The following SYT7 variants were observed in gnomAD, a reference collection of about 807,000 sequenced individuals.
SYT7 encodes synaptotagmin 7, also known as synaptotagmin-7.
In SYT7, 29 loss-of-function variants were observed where a neutral mutation model predicts 75.1. That is an observed-to-expected ratio of 0.39 (90% confidence interval 0.29 to 0.53). The LOEUF is 0.53. SYT7 is among the 20% of genes least tolerant of loss of function. The pLI is 0.77. For missense variants in SYT7, 693 were observed against 953.2 expected (o/e 0.73, Z 3.59); for synonymous variants, 376 against 401.7 (o/e 0.94, Z 0.76).
chr11:61,548,858 A>G (rs2063266820), intron 3 of SYT7, among the ~76,000 whole-genome samples: 1 of 152,176 alleles, frequency 6.6e-6, no homozygotes, highest in Admixed American at 6.5e-5. Flanking sequence ...CTGTAGACAG[A>G]TTTCTCTGTC....
intron 1 of SYT7, among the ~76,000 whole-genome samples, chr11:61,572,122 G>T (rs76188389): frequency 3.9e-5 from 6 of 152,306 alleles, no homozygotes; most frequent in Admixed American, 2.0e-4. Flanking sequence ...AGGTTGGGGG[G>T]GGGGCACACA....
the SYT7 span, among the ~76,000 whole-genome samples, chr11:61,586,254 A>G: frequency 6.6e-6 from 1 of 152,148 alleles, no homozygotes; most frequent in African/African-American, 2.4e-5. Flanking sequence ...CACCACCCTT[A>G]AAAGATTGAA....
intron 1 of SYT7, among the ~76,000 whole-genome samples, chr11:61,569,943 G>A (rs961621800): frequency 5.3e-5 from 8 of 152,198 alleles, no homozygotes; most frequent in African/African-American, 1.7e-4. Context: ...GCCACCAGCC[G>A]GCTCAGGCCC....
At chr11:61,550,868 G>A (rs1590902848) in intron 3 of SYT7, among the ~76,000 whole-genome samples, 1 of 152,324 alleles carries the variant, frequency 6.6e-6, no homozygotes, top group Non-Finnish European at 1.5e-5. Flanking sequence ...GGTTGACGGG[G>A]AGGGAGGGAC....
chr11:61,548,977 G>T (rs1025853777), intron 3 of SYT7, among the ~76,000 whole-genome samples: 1 of 152,160 alleles, frequency 6.6e-6, no homozygotes, highest in African/African-American at 2.4e-5. Flanking sequence ...GAGGAGGCAG[G>T]ACAGGCCCCA....
At chr11:61,534,349 C>G (rs1005118597) in intron 7 of SYT7, among the ~76,000 whole-genome samples, 1 of 152,146 alleles carries the variant, frequency 6.6e-6, no homozygotes, top group Non-Finnish European at 1.5e-5. Context: ...CATCAGGATC[C>G]CAAAGCAGGG....
chr11:61,581,702 C>T (rs2064280300), upstream of SYT7, among the ~76,000 whole-genome samples: 2 of 152,202 alleles, frequency 1.3e-5, no homozygotes, highest in Admixed American at 1.3e-4. Flanking sequence ...GGAGGTTTGG[C>T]CTAGTGACCC....
At chr11:61,570,315 G>C (rs1273778712) in intron 1 of SYT7, among the ~76,000 whole-genome samples, 1 of 152,204 alleles carries the variant, frequency 6.6e-6, no homozygotes, top group Admixed American at 6.5e-5. Context: ...AGGCAGAAGG[G>C]AGTGAGGGTG....
intron 6 of SYT7, chr11:61,540,386 G>T (rs1044073063): frequency 5.9e-6 from 3 of 508,558 alleles, no homozygotes; most frequent in Non-Finnish European, 7.6e-6. Flanking sequence ...TACGGCCCAC[G>T]AGCTAAGAGT....
At chr11:61,552,766 A>G (rs1022948641) in intron 2 of SYT7, among the ~76,000 whole-genome samples, 2 of 152,186 alleles carry the variant, frequency 1.3e-5, no homozygotes, top group African/African-American at 4.8e-5. Flanking sequence ...GGCTCCAGCA[A>G]TGCTGCATGT....
upstream of SYT7, among the ~76,000 whole-genome samples, chr11:61,585,211 C>T (rs1425546529): frequency 6.6e-6 from 1 of 152,202 alleles, no homozygotes; most frequent in East Asian, 1.9e-4. Context: ...CTCTACCTGG[C>T]ATGGTCTTCA....
At chr11:61,534,371 A>G (rs12274080) in intron 7 of SYT7, among the ~76,000 whole-genome samples, 4,693 of 152,270 alleles carry the variant, frequency 0.031, 261 homozygotes, top group African/African-American at 0.11. Context: ...GCACGTGCGC[A>G]CACACACACG....
chr11:61,555,974 T>G (rs1055367619), intron 2 of SYT7, 130 bp downstream of exon 2: 1 of 759,504 alleles, frequency 1.3e-6, no homozygotes. Context: ...CCCCTGACTA[T>G]GCGGACAGGT....
chr11:61,545,327 T>C (rs754637691), intron 5 of SYT7, among the ~76,000 whole-genome samples: 1 of 152,204 alleles, frequency 6.6e-6, no homozygotes, highest in Non-Finnish European at 1.5e-5. Context: ...CAAGTGAAGC[T>C]AGCTGGGGTT....
At chr11:61,527,534 C>T (rs1354358201) in intron 9 of SYT7, among the ~76,000 whole-genome samples, 2 of 152,204 alleles carry the variant, frequency 1.3e-5, no homozygotes, top group Non-Finnish European at 2.9e-5. Flanking sequence ...TCCCTCCCTC[C>T]CTGCCCTCCT....
chr11:61,538,416 A>G, intron 6 of SYT7, 150 bp from the exon 7 acceptor site: 1 of 730,748 alleles, frequency 1.4e-6, no homozygotes, highest in Non-Finnish European at 2.2e-6. Context: ...AGAGACAAAG[A>G]GAGAGAAGAA....
chr11:61,559,593 C>T (rs1590925694), intron 1 of SYT7, among the ~76,000 whole-genome samples: 1 of 152,108 alleles, frequency 6.6e-6, no homozygotes, highest in South Asian at 2.1e-4. Context: ...GTCACAGCCA[C>T]ACTCCAGGTG....
intron 1 of SYT7, among the ~76,000 whole-genome samples, chr11:61,578,769 G>A (rs983364022): frequency 2.0e-5 from 3 of 152,168 alleles, no homozygotes; most frequent in African/African-American, 7.2e-5. Context: ...ACCCCACCCA[G>A]CCCAATGCCC....
At position 61,516,310 on chromosome 11, in the gene SYT7, A is replaced by G. The variant is rs1007476012; in HGVS notation, c.*2317T>C. On this transcript the variant is annotated 3_prime_UTR_variant, in exon 13 of 13. Coordinates refer to ENST00000539008, the MANE Select transcript of SYT7 (RefSeq NM_001365809.2). This position sits in a 1 kb window ranked among gnomAD's most constrained non-coding sequence, Gnocchi z 4.6. ...CTGGGGAAGCCCAAGCCTGGTCGCTAATGTGCCTGGGTGGGGTCTGGTTGG... is the reference window on the plus strand; with the variant it reads ...CTGGGGAAGCCCAAGCCTGGTCGCTGATGTGCCTGGGTGGGGTCTGGTTGG... 5.3e-5 allele frequency: 8 copies of G among 152,132 alleles called. No individual in the cohort carries two copies. The highest frequency in any genetic ancestry group is 1.9e-4 in the African/African-American group (8 of 41,408). 9.4% of individuals were successfully genotyped at this position (152,132 alleles called of 1,614,324 possible).
Sources: allele counts gnomAD v4.1 joint callset (sites outside exome capture counted in the v4.1 genomes callset), GRCh38; gene constraint gnomAD v4.1.1; non-coding constraint Gnocchi (gnomAD v3.1); transcripts MANE v1.5; gene names NCBI Gene and HGNC (gene_info 2026-07-23, HGNC 2026-07-21).